The following ATRN variants were observed in gnomAD, a reference collection of about 807,000 sequenced individuals.
ATRN encodes the protein attractin, also known as attractin-2.
In ATRN, 54 loss-of-function variants were observed where a neutral mutation model predicts 178.7. The ratio of observed to expected loss-of-function variants is 0.30; its 90% confidence interval spans 0.24 to 0.38. The LOEUF (loss-of-function observed/expected upper bound fraction) is 0.38, where lower values mean the gene tolerates loss of function less well. Among genes scored for constraint, ATRN ranks in the 10% least tolerant of loss-of-function variants. The pLI, the probability that ATRN is intolerant of heterozygous loss-of-function variation, is 1.00. For missense variants in ATRN, 1,443 were observed against 1,815.1 expected (o/e 0.79, Z 3.73); for synonymous variants, 636 against 663.0 (o/e 0.96, Z 0.63).
At chr20:3,560,958 T>G (rs1054838982) in intron 8 of ATRN, 53 bp downstream of exon 8, 3 of 1,580,940 alleles carry the variant, frequency 1.9e-6, no homozygotes, top group Non-Finnish European at 2.6e-6. Context: ...TTAAAACCTC[T>G]AAGCTTATTA....
intron 2 of ATRN, among the ~76,000 whole-genome samples, chr20:3,538,584 T>C (rs2085573640): frequency 6.6e-6 from 1 of 152,132 alleles, no homozygotes. Context: ...TTGTTCCTCC[T>C]CAGTGTAAGT....
chr20:3,579,185 A>C (rs901171629), intron 15 of ATRN, among the ~76,000 whole-genome samples: 2 of 152,160 alleles, frequency 1.3e-5, no homozygotes, highest in African/African-American at 4.8e-5. Context: ...TATAATTACC[A>C]CTAAGAAGTG....
At chr20:3,576,695 G>GTCTATCTATCTATCTATCTATCTA (rs1555819445) in intron 13 of ATRN, among the ~76,000 whole-genome samples, 164 bp from the exon 14 acceptor site, 52 of 142,286 alleles carry the variant, frequency 3.7e-4, no homozygotes, top group Non-Finnish European at 6.9e-4. Context: ...CTGTCTGTCT[G>GTCTATCTATCTATCTATCTATCTA]TCTATCTATC....
At position 3,490,861 on chromosome 20, in the gene ATRN, C is replaced by T. The variant is rs533795614; in HGVS notation, c.410+19344C>T. ...TACAGATCCCTCAGGTTCCCACTGA[C>T]CTCCATATACCTATCTTGCATGGCC... On this transcript the variant is annotated intron_variant, in intron 1 of 28. Coordinates refer to ENST00000262919, the MANE Select transcript of ATRN (RefSeq NM_139321.3). 85 of 855,752 alleles carry T rather than the reference C, an allele frequency of 9.9e-5. 1 individual carries two copies. The Middle Eastern group carries it at 1.1e-3, about 11-fold the overall frequency. 53.0% of individuals were successfully genotyped at this position (855,752 alleles called of 1,614,324 possible).
chr20:3,620,936 A>G (rs555739205), intron 24 of ATRN, among the ~76,000 whole-genome samples: 5 of 152,196 alleles, frequency 3.3e-5, no homozygotes, highest in Non-Finnish European at 7.3e-5. Flanking sequence ...CTTTGAATGC[A>G]GCCCAACACA....
chr20:3,591,355 A>G, intron 19 of ATRN, 49 bp downstream of exon 19: 1 of 1,568,182 alleles, frequency 6.4e-7, no homozygotes, highest in Non-Finnish European at 8.7e-7. Context: ...TGTGGAACAC[A>G]GCACTTCTAT....
chr20:3,593,772 G>C (rs1017054337), intron 19 of ATRN, among the ~76,000 whole-genome samples: 13 of 152,258 alleles, frequency 8.5e-5, no homozygotes, highest in Non-Finnish European at 7.4e-5. Context: ...AGCAAAACAG[G>C]GTATAAAGTG....
intron 24 of ATRN, among the ~76,000 whole-genome samples, chr20:3,615,381 A>G (rs545934108): frequency 2.0e-5 from 3 of 149,336 alleles, no homozygotes; most frequent in Non-Finnish European, 4.5e-5. Context: ...GCGAGCCAAG[A>G]TTGCACCACT....
intron 6 of ATRN, among the ~76,000 whole-genome samples, chr20:3,558,216 CTT>C (rs1197862601): frequency 2.0e-5 from 3 of 151,968 alleles, no homozygotes; most frequent in South Asian, 2.1e-4. Context: ...TGTTTTTAGT[CTT>C]TATAGAAACA....
intron 15 of ATRN, among the ~76,000 whole-genome samples, chr20:3,580,527 C>T (rs1253521463): frequency 1.3e-5 from 2 of 152,170 alleles, no homozygotes; most frequent in African/African-American, 4.8e-5. Context: ...AGAAAGGACA[C>T]CTAGCCTAAC....
At position 3,638,995 on chromosome 20, in the gene ATRN, C is replaced by T; in HGVS notation, c.4050+60C>T. On this transcript the variant is annotated intron_variant, in intron 27 of 28. Transcript: ENST00000262919. This position sits in a 1 kb window ranked among gnomAD's most constrained non-coding sequence, Gnocchi z 4.5. ...CTTTTTAAAACTTAGGCTCCTAAGT[C>T]TGGGAAACCAGAGAGAGCAAAAGCC... The T allele has an allele frequency of 2.2e-6, 3 of 1,373,128 alleles. No homozygotes were observed. The highest frequency in any genetic ancestry group is 3.1e-6 in the Non-Finnish European group (3 of 982,692). 85.1% of individuals were successfully genotyped at this position (1,373,128 alleles called of 1,614,324 possible). A position where few individuals can be genotyped will look rare whatever the true frequency, so the allele number is the denominator to read the frequency against.
At chr20:3,553,988 A>G (rs959475991) in intron 6 of ATRN, among the ~76,000 whole-genome samples, 1 of 152,200 alleles carries the variant, frequency 6.6e-6, no homozygotes, top group Non-Finnish European at 1.5e-5. Context: ...TACTCACTGC[A>G]CTCAGAGCTT....
At chr20:3,583,078 A>G (rs1257722965) in intron 16 of ATRN, among the ~76,000 whole-genome samples, 1 of 152,230 alleles carries the variant, frequency 6.6e-6, no homozygotes, top group African/African-American at 2.4e-5. Flanking sequence ...ATTTTGGGAA[A>G]GTAATTTGTC....
chr20:3,603,167 C>A (rs1249272744), intron 23 of ATRN, among the ~76,000 whole-genome samples: 1 of 151,818 alleles, frequency 6.6e-6, no homozygotes, highest in Non-Finnish European at 1.5e-5. Flanking sequence ...GGAGTTATAC[C>A]AGATTAGGGG....
intron 1 of ATRN, among the ~76,000 whole-genome samples, chr20:3,494,306 A>T (rs2084847703): frequency 6.6e-6 from 1 of 152,162 alleles, no homozygotes; most frequent in South Asian, 2.1e-4. Flanking sequence ...ATGGAGCAGT[A>T]GGGGTAAGTT....
chr20:3,618,086 G>T (rs953154199), intron 24 of ATRN, among the ~76,000 whole-genome samples: 2 of 152,212 alleles, frequency 1.3e-5, no homozygotes, highest in Non-Finnish European at 2.9e-5. Context: ...TCTTGTAGCT[G>T]TGTGTGGGTA....
At chr20:3,635,485 A>G (rs999022803) in intron 26 of ATRN, among the ~76,000 whole-genome samples, 1 of 152,234 alleles carries the variant, frequency 6.6e-6, no homozygotes, top group African/African-American at 2.4e-5. Flanking sequence ...CCTTTCATTT[A>G]GTCATGCCTG....
rs1388325496 is a variant in ATRN at position 3,565,371 on chromosome 20, C to T, written c.1810C>T (p.Pro604Ser). Residue 604 changes from proline to serine, a missense_variant, in exon 11 of 29, where the codon CCC becomes TCC. Physicochemically the swap from Pro to Ser is moderately conservative, Grantham distance 74 (BLOSUM62 -1). Transcript: ENST00000262919. ...AGCCTGTGACCGCTGGTCAGTGCTT[C>T]CCAGACCTGATCTCCACCATGATGT... is the stretch of plus-strand genomic sequence containing the variant. ...DIACDRWSVL[P>S]RPDLHHDVNR... 6.2e-7 allele frequency: 1 copy of T among 1,613,922 alleles called. No individual in the cohort carries two copies. Among genetic ancestry groups the T allele is most frequent in the African/African-American group, 1.3e-5 (1 of 74,894 alleles).
At chr20:3,472,426 C>T (rs1278669150) in intron 1 of ATRN, among the ~76,000 whole-genome samples, 1 of 152,178 alleles carries the variant, frequency 6.6e-6, no homozygotes, top group African/African-American at 2.4e-5. Flanking sequence ...TTACTGAACA[C>T]ATGTCTGATG....
Sources: gnomAD v4.1 joint callset for allele counts (sites outside exome capture counted in the v4.1 genomes callset) on GRCh38, gnomAD v4.1.1 for gene constraint, Gnocchi (gnomAD v3.1) non-coding constraint, MANE v1.5 for transcripts, NCBI Gene and HGNC (gene_info 2026-07-23, HGNC 2026-07-21) for gene names.